Variants in DGKH observed in about 807,000 individuals in gnomAD.
DGKH encodes the protein diacylglycerol kinase eta.
In DGKH, 90 loss-of-function variants were observed where a neutral mutation model predicts 159.3. That is an observed-to-expected ratio of 0.57 (90% CI 0.48 to 0.67). The LOEUF (loss-of-function observed/expected upper bound fraction) is 0.67, where lower values mean the gene tolerates loss of function less well. Among genes scored for constraint, DGKH ranks in the 30% least tolerant of loss-of-function variants. DGKH has a pLI of 0.00. For missense variants in DGKH, 1,181 were observed against 1,506.1 expected (o/e 0.78, Z 3.57); for synonymous variants, 536 against 553.8 (o/e 0.97, Z 0.45).
intron 7 of DGKH, among the ~76,000 whole-genome samples, chr13:42,164,754 T>C (rs1195269638): frequency 6.6e-6 from 1 of 152,136 alleles, no homozygotes; most frequent in East Asian, 1.9e-4. Flanking sequence ...TCCTTTACCT[T>C]ACAGGGCAGC....
chr13:42,226,619 G>A (rs1324360841), intron 29 of DGKH, among the ~76,000 whole-genome samples: 1 of 152,072 alleles, frequency 6.6e-6, no homozygotes, highest in Non-Finnish European at 1.5e-5. Context: ...ACTTTGGGAG[G>A]CTGAGGCAGG....
intron 1 of DGKH, among the ~76,000 whole-genome samples, chr13:42,062,766 T>A (rs1013568610): frequency 3.3e-5 from 5 of 152,220 alleles, no homozygotes; most frequent in Admixed American, 3.3e-4. Flanking sequence ...TACGGCCAAC[T>A]TCAGGCATAA....
chr13:42,069,307 G>T, intron 1 of DGKH: 1 of 1,130,530 alleles, frequency 8.8e-7, no homozygotes, highest in South Asian at 1.4e-5. Context: ...CTCACAAACT[G>T]GCTGTCCCAA....
upstream of DGKH, chr13:42,043,760 C>G (rs1880647720): frequency 6.6e-6 from 1 of 152,058 alleles, no homozygotes. Flanking sequence ...CAATAATGAA[C>G]AGATCCTGTT....
At chr13:42,158,446 A>G (rs1392765268) in intron 5 of DGKH, among the ~76,000 whole-genome samples, 1 of 152,200 alleles carries the variant, frequency 6.6e-6, no homozygotes, top group African/African-American at 2.4e-5. Context: ...ATGTTTAATA[A>G]TAGTCAAGTT....
chr13:42,191,480 C>T (rs951152662), intron 16 of DGKH, among the ~76,000 whole-genome samples: 6 of 151,918 alleles, frequency 3.9e-5, no homozygotes, highest in African/African-American at 1.5e-4. Flanking sequence ...TGCACATGTC[C>T]CCCTGAATCT....
Position 42,190,425 on chromosome 13 carries a change from C to T in DGKH, c.1935C>T (p.His645=), listed in dbSNP as rs1307080706. ...AGKVMDDPTV[H]PCEPANQSSD... is the part of the protein sequence containing the mutation. ...AAGTTATGGATGACCCGACAGTTCA[C>T]CCCTGTGAACCAGCTAATCAGTCCT... Residue 645 remains histidine (H), a synonymous_variant, in exon 16 of 30, where the codon CAC becomes CAT. Coordinates refer to ENST00000337343, the MANE Select transcript of DGKH (RefSeq NM_178009.5). The T allele has an allele frequency of 8.1e-6, 13 of 1,608,672 alleles. No homozygotes were observed. The highest frequency in any genetic ancestry group is 1.3e-5 in the African/African-American group (1 of 74,616).
intron 13 of DGKH, among the ~76,000 whole-genome samples, chr13:42,183,074 A>G (rs1049475822): frequency 2.6e-5 from 4 of 152,282 alleles, no homozygotes; most frequent in South Asian, 2.1e-4. Flanking sequence ...GGATTACTTG[A>G]GCCCAGGAGT....
At chr13:42,120,764 C>T (rs190510026) in intron 1 of DGKH, among the ~76,000 whole-genome samples, 1 of 152,078 alleles carries the variant, frequency 6.6e-6, no homozygotes, top group Non-Finnish European at 1.5e-5. Flanking sequence ...TATGGTAGAT[C>T]TCGAAAGTTC....
At chr13:42,078,466 C>T (rs1225237571) in intron 1 of DGKH, among the ~76,000 whole-genome samples, 1 of 152,220 alleles carries the variant, frequency 6.6e-6, no homozygotes, top group Non-Finnish European at 1.5e-5. Flanking sequence ...TACCTGTTAA[C>T]AGCTAAAAGA....
At chr13:42,193,174 C>T (rs1355212946) in intron 16 of DGKH, among the ~76,000 whole-genome samples, 1 of 152,154 alleles carries the variant, frequency 6.6e-6, no homozygotes, top group Non-Finnish European at 1.5e-5. Flanking sequence ...ACAATGGCAT[C>T]CTTACTATAC....
At chr13:42,192,999 C>G (rs978165871) in intron 16 of DGKH, among the ~76,000 whole-genome samples, 5 of 152,224 alleles carry the variant, frequency 3.3e-5, no homozygotes, top group African/African-American at 1.2e-4. Flanking sequence ...GTAGTTTACA[C>G]TCATCCCAAT....
Position 42,219,754 on chromosome 13 carries a change from A to T in DGKH, c.3402A>T (p.Lys1134Asn), listed in dbSNP as rs751788648. The T allele has an allele frequency of 6.2e-7, 1 of 1,613,712 alleles. No individual in the cohort carries two copies. The highest frequency in any genetic ancestry group is 1.1e-5 in the South Asian group (1 of 91,070). ...STVFRIVPKF[K>N]KEKVQKQKTS... ...TATTTCGAATAGTGCCAAAGTTTAA[A>T]AAGGAAAAGGTTCAGAAGCAGAAGA... is the stretch of plus-strand genomic sequence containing the variant. The change falls in exon 28 of 30, where the codon AAA becomes AAT. Residue 1134 changes from lysine to asparagine, a missense_variant. This residue lies in a region of DGKH where 335 missense variants were observed against 495.2 expected (regional missense o/e 0.68). Transcript: ENST00000337343.
At chr13:42,244,797 G>A (rs919970277), downstream of DGKH, among the ~76,000 whole-genome samples, 6 of 146,730 alleles carry the variant, frequency 4.1e-5, no homozygotes, top group African/African-American at 1.2e-4. Flanking sequence ...CCAGCTACTT[G>A]GGAGGCTGAG....
rs150271224 is a variant in DGKH at position 42,051,267 on chromosome 13, C to A, written c.192+2302C>A. Among the ~76,000 whole-genome samples, 30 of 152,296 alleles carry A rather than the reference C, an allele frequency of 2.0e-4. 2 individuals carry two copies. In the East Asian group the frequency reaches 5.8e-3, roughly 29 times the overall value. On this transcript the variant is annotated intron_variant, in intron 1 of 29. Transcript: ENST00000337343. ...GAAATTCAGCATTTTACAATTTCTC[C>A]TATGTTAGAGTGCATGTAAGTTCAT... is the stretch of plus-strand genomic sequence containing the variant.
At chr13:42,106,275 T>C (rs975604888) in intron 1 of DGKH, among the ~76,000 whole-genome samples, 1 of 152,202 alleles carries the variant, frequency 6.6e-6, no homozygotes, top group African/African-American at 2.4e-5. Flanking sequence ...CCCAAAGTGC[T>C]GGGATTACAG....
At chr13:42,045,110 G>A (rs944050397), upstream of DGKH, among the ~76,000 whole-genome samples, 8 of 152,258 alleles carry the variant, frequency 5.3e-5, 1 homozygote, top group African/African-American at 1.9e-4. Flanking sequence ...TGGGGAAGAT[G>A]ACCAGGGGGA....
chr13:42,148,300 G>A (rs751758974), intron 3 of DGKH, among the ~76,000 whole-genome samples: 5 of 152,136 alleles, frequency 3.3e-5, no homozygotes, highest in Non-Finnish European at 5.9e-5. Context: ...GTAAATCTTA[G>A]TATTTTGGAC....
chr13:42,145,401 C>A (rs2137906572), intron 3 of DGKH, among the ~76,000 whole-genome samples: 1 of 152,034 alleles, frequency 6.6e-6, no homozygotes, highest in East Asian at 1.9e-4. Flanking sequence ...TTGCTGGTAG[C>A]ACATCTAAGG....
Sources: allele counts gnomAD v4.1 joint callset (sites outside exome capture counted in the v4.1 genomes callset), GRCh38; gene constraint gnomAD v4.1.1; regional missense constraint gnomAD v4.1.1; transcripts MANE v1.5; gene names NCBI Gene and HGNC (gene_info 2026-07-23, HGNC 2026-07-21).